Variants in CCDC171 observed in about 807,000 individuals in gnomAD.
The protein encoded by CCDC171 is coiled-coil domain-containing protein 171.
A neutral mutation model predicts 168.2 loss-of-function variants in CCDC171; 177 were observed. That is an observed-to-expected ratio of 1.05 (90% CI 0.93 to 1.19). The LOEUF is 1.19. Among genes scored for constraint, CCDC171 ranks in the 50% most tolerant of loss-of-function variants. CCDC171 has a pLI of 0.00. For synonymous variants in CCDC171, 687 were observed against 540.8 expected (o/e 1.27, Z -3.75); for missense variants, 1,991 against 1,539.0 (o/e 1.29, Z -4.91).
At chr9:15,595,672 A>T (rs1564010203) in intron 6 of CCDC171, among the ~76,000 whole-genome samples, 2 of 152,168 alleles carry the variant, frequency 1.3e-5, no homozygotes, top group African/African-American at 4.8e-5. Context: ...CAGTAATGGG[A>T]TGGCTGGGTC....
intron 10 of CCDC171, among the ~76,000 whole-genome samples, chr9:15,684,351 C>T (rs2050237699): frequency 6.6e-6 from 1 of 151,624 alleles, no homozygotes; most frequent in South Asian, 2.1e-4. Context: ...TAAAAAAACC[C>T]ATTGACTAAA....
chr9:16,102,982 T>G, the CCDC171 span, among the ~76,000 whole-genome samples: 1 of 152,202 alleles, frequency 6.6e-6, no homozygotes, highest in Non-Finnish European at 1.5e-5. Context: ...TTGCTAACTT[T>G]CGGATTGAGC....
intron 16 of CCDC171, among the ~76,000 whole-genome samples, chr9:15,737,830 G>T (rs776690604): frequency 2.0e-5 from 3 of 152,100 alleles, no homozygotes; most frequent in Non-Finnish European, 4.4e-5. Context: ...TAGATCATAT[G>T]ATAATTCTAT....
intron 24 of CCDC171, among the ~76,000 whole-genome samples, chr9:15,907,449 A>G (rs1392828051): frequency 2.0e-5 from 3 of 152,236 alleles, no homozygotes; most frequent in East Asian, 3.8e-4. Context: ...AAAACTGGCT[A>G]GCCATATGTA....
Position 15,734,223 on chromosome 9 carries a change from C to T in CCDC171, c.2049+4425C>T, listed in dbSNP as rs146012172. On this transcript the variant is annotated intron_variant, in intron 16 of 25. Coordinates refer to ENST00000380701, the MANE Select transcript of CCDC171 (RefSeq NM_173550.4). ...AAATGGAAATGATCATTTTAATTAT[C>T]TGTAAAAGTACATTACTATTATAAA... Among the ~76,000 whole-genome samples, 604 of 152,300 alleles carry T rather than the reference C, an allele frequency of 4.0e-3. 4 individuals are homozygous for T. Among genetic ancestry groups the T allele is most frequent in the African/African-American group, 0.014 (574 of 41,572 alleles).
chr9:15,933,454 C>T lies in CCDC171; in HGVS notation c.3753+13032C>T, dbSNP rs181033784. Among the ~76,000 whole-genome samples, 1,322 of 151,868 alleles carry T rather than the reference C, an allele frequency of 8.7e-3. 10 individuals carry two copies. Among genetic ancestry groups the T allele is most frequent in the Non-Finnish European group, 0.014 (950 of 67,892 alleles). ...CAATTTTGTTTACTTTTCCAAAAAA[C>T]GAATGCTTCAGTTTATTAATCTTTT... On this transcript the variant is annotated intron_variant, in intron 25 of 25. Coordinates refer to ENST00000380701, the MANE Select transcript of CCDC171 (RefSeq NM_173550.4).
At chr9:15,949,261 C>T (rs1828820207) in intron 25 of CCDC171, among the ~76,000 whole-genome samples, 1 of 152,078 alleles carries the variant, frequency 6.6e-6, no homozygotes, top group Non-Finnish European at 1.5e-5. Flanking sequence ...TAGCATGATG[C>T]CTCCAGCTTT....
chr9:15,908,934 A>G lies in CCDC171; in HGVS notation c.3601-11336A>G, dbSNP rs942020347. Reference sequence around the variant, plus strand: ...CCAGCACTGGGGATTACAATTCAACATGAGACTTGGGTGGGGACATACATG... The same window carrying G: ...CCAGCACTGGGGATTACAATTCAACGTGAGACTTGGGTGGGGACATACATG... On this transcript the variant is annotated intron_variant, in intron 24 of 25. Transcript: ENST00000380701. 2.0e-5 allele frequency among the ~76,000 whole-genome samples: 3 copies of G among 152,172 alleles called. No homozygotes were observed. The South Asian group carries it at 6.2e-4, about 32-fold the overall frequency.
Position 15,807,657 on chromosome 9 carries a change from A to AT in CCDC171, c.3267+22971dup, listed in dbSNP as rs200048829. 4.2e-4 allele frequency among the ~76,000 whole-genome samples: 63 copies of AT among 151,712 alleles called. No individual in the cohort carries two copies. The East Asian group carries it at 4.5e-3, about 11-fold the overall frequency. On this transcript the variant is annotated intron_variant, in intron 21 of 25. Coordinates refer to ENST00000380701, the MANE Select transcript of CCDC171 (RefSeq NM_173550.4). ...GTTGCTCAATTGCCTTACCTTATGG[A>AT]TTTTTTTTACTCTGCACATTCACAT...
chr9:15,956,399 A>C (rs912436463), intron 25 of CCDC171, among the ~76,000 whole-genome samples: 1 of 152,194 alleles, frequency 6.6e-6, no homozygotes, highest in African/African-American at 2.4e-5. Context: ...CTTAGTAACT[A>C]TAAGGATCTG....
At chr9:15,558,464 G>T (rs1213127868) in intron 1 of CCDC171, among the ~76,000 whole-genome samples, 1 of 152,092 alleles carries the variant, frequency 6.6e-6, no homozygotes, top group East Asian at 1.9e-4. Flanking sequence ...AGTCTTGGGT[G>T]GGTGTATGTG....
intron 7 of CCDC171, among the ~76,000 whole-genome samples, chr9:15,641,319 G>T (rs1417890879): frequency 6.6e-6 from 1 of 152,200 alleles, no homozygotes; most frequent in East Asian, 1.9e-4. Context: ...GTCTATTTTG[G>T]TGGACTAAAT....
chr9:15,946,511 A>G (rs1275385144), intron 25 of CCDC171, among the ~76,000 whole-genome samples: 1 of 152,018 alleles, frequency 6.6e-6, no homozygotes, highest in African/African-American at 2.4e-5. Context: ...CTGCTCAACA[A>G]AATAAAACAG....
chr9:15,778,572 G>T (rs1564390204), intron 19 of CCDC171, among the ~76,000 whole-genome samples: 1 of 145,328 alleles, frequency 6.9e-6, no homozygotes, highest in African/African-American at 2.5e-5. Context: ...CTTGAACTCG[G>T]GAGGTGGAGG....
At chr9:15,995,773 A>G (rs1043334494) in intron 3 of CCDC171, among the ~76,000 whole-genome samples, 3 of 152,230 alleles carry the variant, frequency 2.0e-5, no homozygotes, top group African/African-American at 7.2e-5. Context: ...AATGTCTGCA[A>G]CCGGTCTGTT....
chr9:15,949,626 G>A (rs1475456693), intron 25 of CCDC171, among the ~76,000 whole-genome samples: 1 of 152,190 alleles, frequency 6.6e-6, no homozygotes, highest in African/African-American at 2.4e-5. Context: ...TGGTGTATAA[G>A]AATGCTTGTG....
At chr9:15,646,579 A>T (rs950737857) in intron 7 of CCDC171, among the ~76,000 whole-genome samples, 8 of 152,182 alleles carry the variant, frequency 5.3e-5, no homozygotes, top group African/African-American at 1.9e-4. Flanking sequence ...AATGGAAAAG[A>T]AAAAAAGTGG....
At chr9:15,940,455 T>C (rs1334705255) in intron 25 of CCDC171, among the ~76,000 whole-genome samples, 2 of 151,922 alleles carry the variant, frequency 1.3e-5, no homozygotes, top group South Asian at 2.1e-4. Flanking sequence ...ATATACACAA[T>C]AATTTCTTAA....
In CCDC171 at chr9:15,610,289, G is replaced by A. The variant is rs192366511; in HGVS notation, c.676-12978G>A. On this transcript the variant is annotated intron_variant, in intron 6 of 25. Transcript: ENST00000380701. Reference sequence around the variant, plus strand: ...GCAAAGGCTGGAAATGCAGTGGCTCGATCATGGCTCACTGCAGCTTAAACC... The same window carrying A: ...GCAAAGGCTGGAAATGCAGTGGCTCAATCATGGCTCACTGCAGCTTAAACC... Among the ~76,000 whole-genome samples the A allele has an allele frequency of 4.0e-5, 6 of 150,192 alleles. No homozygotes were observed. The East Asian group carries it at 1.2e-3, about 30-fold the overall frequency.
Sources: allele counts gnomAD v4.1 joint callset (sites outside exome capture counted in the v4.1 genomes callset), GRCh38; gene constraint gnomAD v4.1.1; transcripts MANE v1.5; gene names NCBI Gene and HGNC (gene_info 2026-07-23, HGNC 2026-07-21).